NRXN1: variants seen among roughly 807,000 people sequenced by gnomAD.
The protein encoded by NRXN1 is neurexin 1.
NRXN1 carries 39 observed loss-of-function variants against 150.9 expected under a neutral mutation model. That is an observed-to-expected ratio of 0.26 (90% CI 0.20 to 0.34). The LOEUF (loss-of-function observed/expected upper bound fraction) is 0.34. Ranked by LOEUF, NRXN1 falls within the 10% of genes least tolerant of loss-of-function variation. The probability of loss-of-function intolerance (pLI) is 1.00; values close to 1 mark genes in which losing one functional copy is unlikely to be tolerated. For synonymous variants in NRXN1, 924 were observed against 757.0 expected (o/e 1.22, Z -3.62); for missense variants, 1,815 against 1,949.9 (o/e 0.93, Z 1.30).
intron 17 of NRXN1, among the ~76,000 whole-genome samples, chr2:50,399,423 T>C (rs1186401827): frequency 1.3e-5 from 2 of 152,150 alleles, no homozygotes; most frequent in East Asian, 1.9e-4. Context: ...AAGGATTTTA[T>C]TTTTCTTCTC....
At chr2:50,279,583 G>A (rs2071124081) in intron 17 of NRXN1, among the ~76,000 whole-genome samples, 1 of 152,014 alleles carries the variant, frequency 6.6e-6, no homozygotes, top group Admixed American at 6.6e-5. Context: ...TAATTACAAT[G>A]TTTACATAAA....
intron 8 of NRXN1, among the ~76,000 whole-genome samples, chr2:50,613,869 C>T (rs1022070712): frequency 5.9e-5 from 9 of 152,204 alleles, no homozygotes; most frequent in African/African-American, 1.9e-4. Context: ...ACCCAGGTGG[C>T]GGAGCTTGCA....
chr2:50,305,199 T>C (rs7569775), intron 17 of NRXN1, among the ~76,000 whole-genome samples: 34,277 of 152,132 alleles, frequency 0.23, 4,630 homozygotes, highest in East Asian at 0.38. Context: ...TAAAAAATGA[T>C]TTTACAGACT....
chr2:50,742,540 G>A (rs968511395), intron 5 of NRXN1, among the ~76,000 whole-genome samples: 4 of 150,546 alleles, frequency 2.7e-5, no homozygotes, highest in African/African-American at 4.9e-5. Context: ...CCCGGGAGGC[G>A]GAGGTTGCAG....
At chr2:50,450,366 A>T (rs2086848313) in intron 17 of NRXN1, among the ~76,000 whole-genome samples, 1 of 152,078 alleles carries the variant, frequency 6.6e-6, no homozygotes, top group Non-Finnish European at 1.5e-5. Context: ...TTCATTCCAT[A>T]AATATATACT....
chr2:50,742,415 G>C (rs972430330), intron 5 of NRXN1, among the ~76,000 whole-genome samples: 1 of 151,650 alleles, frequency 6.6e-6, no homozygotes, highest in African/African-American at 2.4e-5. Flanking sequence ...CACAAAGTCA[G>C]GGGCTCAAGA....
intron 5 of NRXN1, among the ~76,000 whole-genome samples, chr2:50,904,254 A>G (rs1161505943): frequency 6.6e-6 from 1 of 152,280 alleles, no homozygotes; most frequent in East Asian, 1.9e-4. Flanking sequence ...CTAGAAATTA[A>G]AGTATAATAA....
At chr2:51,013,563 A>C (rs1176460523) in intron 2 of NRXN1, among the ~76,000 whole-genome samples, 3 of 151,880 alleles carry the variant, frequency 2.0e-5, no homozygotes, top group African/African-American at 7.3e-5. Flanking sequence ...AGGCTTTCAG[A>C]AAAGTCCAAT....
At chr2:50,376,853 T>A (rs966639937) in intron 17 of NRXN1, among the ~76,000 whole-genome samples, 1 of 152,138 alleles carries the variant, frequency 6.6e-6, no homozygotes, top group Non-Finnish European at 1.5e-5. Flanking sequence ...TAAGGCAGGT[T>A]AGTCTTAGAA....
intron 5 of NRXN1, among the ~76,000 whole-genome samples, chr2:50,654,959 G>A (rs1177032522): frequency 1.3e-5 from 2 of 151,904 alleles, no homozygotes; most frequent in African/African-American, 2.4e-5. Context: ...TGAACAAGAG[G>A]AAAGAGGAGA....
chr2:50,396,747 A>G (rs80166960), intron 17 of NRXN1, among the ~76,000 whole-genome samples: 2,262 of 152,226 alleles, frequency 0.015, 64 homozygotes, highest in African/African-American at 0.051. Context: ...GTGCTCAAAC[A>G]TTCTGGAGGA....
At chr2:49,947,630 G>C (rs958724359) in intron 21 of NRXN1, among the ~76,000 whole-genome samples, 1 of 149,804 alleles carries the variant, frequency 6.7e-6, no homozygotes. Context: ...CCGAAGTGCT[G>C]GGATTACAGG....
chr2:50,829,291 G>T (rs553729920), intron 5 of NRXN1, among the ~76,000 whole-genome samples: 1 of 149,558 alleles, frequency 6.7e-6, no homozygotes, highest in South Asian at 2.1e-4. Flanking sequence ...GAGAGGGAGA[G>T]GGGTAATTTT....
intron 5 of NRXN1, among the ~76,000 whole-genome samples, chr2:50,683,646 A>AAAAAAAAAATATATATATATAT: frequency 8.1e-4 from 12 of 14,904 alleles, no homozygotes; most frequent in South Asian, 6.2e-3. Context: ...AAAAAAAAAA[A>AAAAAAAAAATATATATATATAT]ATATATATAT....
chr2:50,473,948 C>T (rs748882085), intron 15 of NRXN1, among the ~76,000 whole-genome samples: 10 of 151,904 alleles, frequency 6.6e-5, no homozygotes, highest in Non-Finnish European at 1.2e-4. Context: ...AGTCATTCAA[C>T]GTTAAAAACT....
chr2:50,587,342 A>C (rs1218770129), intron 8 of NRXN1, among the ~76,000 whole-genome samples: 2 of 152,300 alleles, frequency 1.3e-5, no homozygotes, highest in Non-Finnish European at 2.9e-5. Flanking sequence ...AAAATTAGCC[A>C]GGCATGGTGG....
intron 5 of NRXN1, among the ~76,000 whole-genome samples, chr2:50,904,151 T>G (rs1415337347): frequency 6.6e-6 from 1 of 152,060 alleles, no homozygotes; most frequent in Admixed American, 6.6e-5. Context: ...CTTACATAAT[T>G]CTGTGAAATT....
chr2:50,902,463 A>G (rs1683094516), intron 5 of NRXN1, among the ~76,000 whole-genome samples: 1 of 152,214 alleles, frequency 6.6e-6, no homozygotes, highest in East Asian at 1.9e-4. Context: ...TCATAACTCT[A>G]AACCAGAAAT....
intron 10 of NRXN1, among the ~76,000 whole-genome samples, chr2:50,533,879 C>A (rs1413527730): frequency 2.6e-5 from 4 of 152,126 alleles, no homozygotes; most frequent in Non-Finnish European, 5.9e-5. Flanking sequence ...TCCAGAGAGA[C>A]CTGCTACCCA....
Sources: allele counts gnomAD v4.1 joint callset (sites outside exome capture counted in the v4.1 genomes callset), GRCh38; gene constraint gnomAD v4.1.1; transcripts MANE v1.5; gene names NCBI Gene and HGNC (gene_info 2026-07-23, HGNC 2026-07-21).